Variants in MCPH1 observed in about 807,000 individuals in gnomAD.
The protein encoded by MCPH1 is microcephalin.
Under a neutral mutation model 84.5 loss-of-function variants are expected in MCPH1, and 104 were observed. The ratio of observed to expected loss-of-function variants is 1.23; its 90% CI spans 1.05 to 1.45. MCPH1 has a LOEUF of 1.45. Ranked by LOEUF, MCPH1 falls within the 40% of genes most tolerant of loss-of-function variation. The pLI, the probability that MCPH1 is intolerant of heterozygous loss-of-function variation, is 0.00. For synonymous variants in MCPH1, 514 were observed against 366.8 expected, an observed-to-expected ratio of 1.40 and a Z score of -4.58; for missense variants, 1,498 against 1,005.7, an observed-to-expected ratio of 1.49 and a Z score of -6.62.
At chr8:6,508,881 A>G (rs373034330) in intron 12 of MCPH1, 29 of 1,612,976 alleles carry the variant, frequency 1.8e-5, no homozygotes, top group African/African-American at 8.0e-5. Flanking sequence ...CTTTCCCTCT[A>G]TGAAATCATT....
intron 13 of MCPH1, 109 bp downstream of exon 13, chr8:6,621,800 G>A: frequency 6.9e-7 from 1 of 1,449,408 alleles, no homozygotes; most frequent in Non-Finnish European, 9.6e-7. Flanking sequence ...GGGGCACCTG[G>A]GTTGATGTCT....
intron 12 of MCPH1, among the ~76,000 whole-genome samples, chr8:6,578,618 T>A (rs1827303279): frequency 6.6e-6 from 1 of 152,270 alleles, no homozygotes; most frequent in African/African-American, 2.4e-5. Context: ...TTGGAGAAAA[T>A]AGAAGAACTA....
At chr8:6,628,073 G>A (rs1316621373) in intron 13 of MCPH1, among the ~76,000 whole-genome samples, 1 of 152,046 alleles carries the variant, frequency 6.6e-6, no homozygotes, top group African/African-American at 2.4e-5. Flanking sequence ...GGTCCTGGAT[G>A]GTTATCTTTG....
intron 12 of MCPH1, among the ~76,000 whole-genome samples, chr8:6,526,726 G>T (rs2442611): frequency 5.3e-5 from 8 of 152,084 alleles, no homozygotes; most frequent in African/African-American, 1.9e-4. Flanking sequence ...TTTAAATTGT[G>T]AAATAGGATA....
chr8:6,604,551 C>T (rs1197578284), intron 12 of MCPH1, among the ~76,000 whole-genome samples: 1 of 152,264 alleles, frequency 6.6e-6, no homozygotes, highest in Non-Finnish European at 1.5e-5. Context: ...ATCGCCCAGG[C>T]TGGAGTGCAG....
At chr8:6,435,859 C>T (rs1054865124) in intron 4 of MCPH1, among the ~76,000 whole-genome samples, 189 bp from the exon 5 acceptor site, 1 of 152,298 alleles carries the variant, frequency 6.6e-6, no homozygotes, top group Non-Finnish European at 1.5e-5. Context: ...CTTTTAAATT[C>T]TGTCCATTTT....
intron 12 of MCPH1, among the ~76,000 whole-genome samples, chr8:6,548,107 T>C (rs1329221446): frequency 6.6e-6 from 1 of 152,060 alleles, no homozygotes; most frequent in Non-Finnish European, 1.5e-5. Context: ...TACATTGGAG[T>C]TTTGGCTGCT....
chr8:6,428,528 C>T (rs947352705), intron 3 of MCPH1, among the ~76,000 whole-genome samples: 10 of 152,196 alleles, frequency 6.6e-5, no homozygotes, highest in African/African-American at 1.4e-4. Flanking sequence ...CCTATTCTCC[C>T]GCCAGCCAAG....
intron 12 of MCPH1, among the ~76,000 whole-genome samples, chr8:6,615,247 A>G (rs958454881): frequency 6.6e-6 from 1 of 152,168 alleles, no homozygotes; most frequent in Non-Finnish European, 1.5e-5. Flanking sequence ...ACTCCATGTC[A>G]CATGCCACCA....
intron 9 of MCPH1, among the ~76,000 whole-genome samples, chr8:6,472,174 G>A (rs948739792): frequency 1.4e-4 from 21 of 152,192 alleles, no homozygotes; most frequent in Admixed American, 2.0e-4. Context: ...TAACAAAATA[G>A]TCCCAAGACA....
intron 13 of MCPH1, among the ~76,000 whole-genome samples, chr8:6,622,669 C>T (rs761937419): frequency 6.6e-6 from 1 of 152,154 alleles, no homozygotes; most frequent in South Asian, 2.1e-4. Context: ...CGTTGGTTTC[C>T]CCTGAGGCCT....
At chr8:6,520,060 G>A in intron 12 of MCPH1, 9 of 1,558,768 alleles carry the variant, frequency 5.8e-6, no homozygotes, top group Non-Finnish European at 7.9e-6. Context: ...TATTTCAAGA[G>A]CCAATCATTT....
rs71213328 is a variant in MCPH1 at position 6,626,474 on chromosome 8, G to GTTTTTTTTTTTTTTTT, written c.2452+4785_2452+4800dup. ...GGTTGTTGTTTGGTTTTTTTGTTTT[G>GTTTTTTTTTTTTTTTT]TTTTTTTTTTTTTTTTTGCGTTTTG... On this transcript the variant is annotated intron_variant, in intron 13 of 13. Transcript: ENST00000344683. The GTTTTTTTTTTTTTTTT allele has an allele frequency of 3.5e-4, 327 of 922,760 alleles. 2 individuals carry two copies. The highest frequency in any genetic ancestry group is 1.3e-3 in the East Asian group (10 of 7,470). The allele number at this position is 922,760 out of a possible 1,614,324, so 57.2% of individuals were successfully genotyped here.
chr8:6,479,322 G>A (rs1481495878), intron 10 of MCPH1, among the ~76,000 whole-genome samples: 2 of 151,852 alleles, frequency 1.3e-5, no homozygotes, highest in African/African-American at 2.4e-5. Flanking sequence ...AGTGTTAGAG[G>A]CAGTCTGTAT....
chr8:6,431,579 A>G lies in MCPH1; in HGVS notation c.314A>G (p.Lys105Arg). Residue 105 changes from lysine to arginine, a missense_variant, in exon 4 of 14, where the codon AAA becomes AGA. Coordinates refer to ENST00000344683, the MANE Select transcript of MCPH1 (RefSeq NM_024596.5). ...AATGAACACTTATCAAGCCTAATTAAAAAAAAAGTAAGTACATGATTTCAA... is the reference window on the plus strand; with the variant it reads ...AATGAACACTTATCAAGCCTAATTAGAAAAAAAGTAAGTACATGATTTCAA... ...NMNEHLSSLI[K>R]KKRKCMQPKD... is the part of the protein sequence containing the mutation. 6.2e-7 allele frequency: 1 copy of G among 1,603,626 alleles called. No homozygotes were observed. The highest frequency in any genetic ancestry group is 1.7e-5 in the Admixed American group (1 of 59,664).
intron 11 of MCPH1, among the ~76,000 whole-genome samples, chr8:6,482,431 T>C (rs968468438): frequency 6.6e-6 from 1 of 152,232 alleles, no homozygotes; most frequent in African/African-American, 2.4e-5. Flanking sequence ...TAGGGTGGAC[T>C]ACTGTCTCTT....
At chr8:6,515,831 G>A (rs1816157746) in intron 12 of MCPH1, among the ~76,000 whole-genome samples, 1 of 152,152 alleles carries the variant, frequency 6.6e-6, no homozygotes, top group African/African-American at 2.4e-5. Flanking sequence ...AAGCTTCAAC[G>A]CACACTGTTC....
chr8:6,557,784 G>T (rs577451241), intron 12 of MCPH1, among the ~76,000 whole-genome samples: 140 of 151,972 alleles, frequency 9.2e-4, no homozygotes, highest in African/African-American at 3.3e-3. Flanking sequence ...AAACATCCTG[G>T]AAATTGTGAA....
intron 3 of MCPH1, among the ~76,000 whole-genome samples, chr8:6,418,109 G>T (rs1331263120): frequency 6.6e-6 from 1 of 152,084 alleles, no homozygotes; most frequent in Non-Finnish European, 1.5e-5. Flanking sequence ...CAGAATTTGG[G>T]GTTTCTCCTA....
Sources: gnomAD v4.1 joint callset for allele counts (sites outside exome capture counted in the v4.1 genomes callset) on GRCh38, gnomAD v4.1.1 for gene constraint, MANE v1.5 for transcripts, NCBI Gene and HGNC (gene_info 2026-07-23, HGNC 2026-07-21) for gene names.